SLC35F4: variants seen among roughly 807,000 people sequenced by gnomAD.
SLC35F4 encodes solute carrier family 35 member F4.
Under a neutral mutation model 44.2 loss-of-function variants are expected in SLC35F4, and 24 were observed. That is an observed-to-expected ratio of 0.54 (90% CI 0.39 to 0.76). The LOEUF (loss-of-function observed/expected upper bound fraction) is 0.76, where lower values mean the gene tolerates loss of function less well. Among genes scored for constraint, SLC35F4 ranks in the 30% least tolerant of loss-of-function variants. The pLI is 0.00. For missense variants in SLC35F4, 562 were observed against 586.1 expected, an observed-to-expected ratio of 0.96 and a Z score of 0.42; for synonymous variants, 238 against 223.6, an observed-to-expected ratio of 1.06 and a Z score of -0.57.
chr14:57,928,260 C>T (rs991129564), intron 1 of SLC35F4, among the ~76,000 whole-genome samples: 11 of 152,200 alleles, frequency 7.2e-5, no homozygotes, highest in African/African-American at 1.2e-4. Context: ...TGACCTCTAC[C>T]GTGTCAGTAG....
chr14:57,850,178 G>C (rs957961554), intron 1 of SLC35F4, among the ~76,000 whole-genome samples: 2 of 152,134 alleles, frequency 1.3e-5, no homozygotes, highest in African/African-American at 4.8e-5. Context: ...AAGCCTTTTA[G>C]GACACATGAA....
intron 1 of SLC35F4, among the ~76,000 whole-genome samples, chr14:57,771,348 G>C (rs1372125100): frequency 1.3e-5 from 2 of 152,102 alleles, no homozygotes; most frequent in African/African-American, 4.8e-5. Flanking sequence ...CCATCCATAA[G>C]TGGGGCTGAA....
chr14:57,755,861 C>T (rs530644642), intron 1 of SLC35F4, among the ~76,000 whole-genome samples: 1 of 152,330 alleles, frequency 6.6e-6, no homozygotes, highest in South Asian at 2.1e-4. Context: ...TCTAAGGCCA[C>T]AAAGCCATTA....
intron 1 of SLC35F4, among the ~76,000 whole-genome samples, chr14:57,855,586 T>C (rs1887006142): frequency 6.6e-6 from 1 of 152,208 alleles, no homozygotes; most frequent in Non-Finnish European, 1.5e-5. Context: ...TTTACACTGT[T>C]AGTGGGAGTG....
chr14:57,647,857 C>T (rs2073609536), intron 1 of SLC35F4, among the ~76,000 whole-genome samples: 2 of 152,240 alleles, frequency 1.3e-5, no homozygotes, highest in South Asian at 4.2e-4. Context: ...CCCGGCCTGT[C>T]CTCAGCAAGA....
In SLC35F4 at chr14:57,605,015, C is replaced by G. The variant is rs890616445; in HGVS notation, c.104-10891G>C. On this transcript the variant is annotated intron_variant, in intron 1 of 7. Transcript: ENST00000556826. ...AAACTATAAAAATCCTAGAAGAAAA[C>G]CTAGGAAATACCCTTCTCAATATCA... 5.3e-5 allele frequency among the ~76,000 whole-genome samples: 8 copies of G among 152,130 alleles called. No individual in the cohort carries two copies. In the South Asian group the frequency reaches 1.7e-3, roughly 32 times the overall value.
intron 1 of SLC35F4, among the ~76,000 whole-genome samples, chr14:57,959,533 T>C (rs1890303927): frequency 6.6e-6 from 1 of 152,204 alleles, no homozygotes; most frequent in African/African-American, 2.4e-5. Flanking sequence ...CAGGCCTGTC[T>C]GACTCTAAAA....
At chr14:57,858,188 C>A (rs1049761924) in intron 1 of SLC35F4, among the ~76,000 whole-genome samples, 1 of 151,824 alleles carries the variant, frequency 6.6e-6, no homozygotes, top group Non-Finnish European at 1.5e-5. Flanking sequence ...GGGTATATAC[C>A]CAAAGGATTA....
intron 1 of SLC35F4, among the ~76,000 whole-genome samples, chr14:57,846,772 A>G (rs540207392): frequency 6.6e-6 from 1 of 152,366 alleles, no homozygotes; most frequent in Non-Finnish European, 1.5e-5. Context: ...TTGAGAGCTC[A>G]GAAATGCATC....
At chr14:57,691,737 A>T (rs565780890) in intron 1 of SLC35F4, among the ~76,000 whole-genome samples, 5 of 152,334 alleles carry the variant, frequency 3.3e-5, no homozygotes, top group Admixed American at 6.5e-5. Flanking sequence ...GGGATATGAA[A>T]AAGCTCAGAA....
At chr14:57,776,155 G>A (rs913613051) in intron 1 of SLC35F4, among the ~76,000 whole-genome samples, 1 of 152,210 alleles carries the variant, frequency 6.6e-6, no homozygotes, top group Non-Finnish European at 1.5e-5. Context: ...TATGTTAGGA[G>A]ACCAAATCTA....
chr14:57,957,635 C>T (rs1445129767), intron 1 of SLC35F4, among the ~76,000 whole-genome samples: 1 of 152,132 alleles, frequency 6.6e-6, no homozygotes, highest in Non-Finnish European at 1.5e-5. Context: ...ACACTCAGCC[C>T]TCTTGCTTCA....
intron 1 of SLC35F4, among the ~76,000 whole-genome samples, chr14:57,813,293 A>C (rs1043757500): frequency 2.6e-5 from 4 of 152,196 alleles, no homozygotes; most frequent in African/African-American, 9.7e-5. Flanking sequence ...AATACTTATA[A>C]AAAGTACTTT....
intron 1 of SLC35F4, among the ~76,000 whole-genome samples, chr14:57,909,859 T>C (rs547325787): frequency 1.3e-5 from 2 of 152,316 alleles, no homozygotes; most frequent in African/African-American, 4.8e-5. Context: ...CTAGATCATA[T>C]GGTAAGAGTA....
At chr14:57,980,665 T>C (rs993184554) in intron 1 of SLC35F4, among the ~76,000 whole-genome samples, 2 of 152,184 alleles carry the variant, frequency 1.3e-5, no homozygotes, top group Non-Finnish European at 2.9e-5. Context: ...TTTGTGTACA[T>C]GTATGTGTGG....
At chr14:57,916,329 G>A (rs1325073492) in intron 1 of SLC35F4, among the ~76,000 whole-genome samples, 1 of 152,140 alleles carries the variant, frequency 6.6e-6, no homozygotes, top group Non-Finnish European at 1.5e-5. Flanking sequence ...CCGTTATGAT[G>A]GCAATTAAAT....
At chr14:57,849,925 T>G (rs1443205905) in intron 1 of SLC35F4, among the ~76,000 whole-genome samples, 1 of 152,166 alleles carries the variant, frequency 6.6e-6, no homozygotes, top group African/African-American at 2.4e-5. Context: ...AACCAGTACG[T>G]CTTGGTAAAG....
At chr14:57,734,007 A>G (rs1092015) in intron 1 of SLC35F4, among the ~76,000 whole-genome samples, 136,405 of 152,176 alleles carry the variant, frequency 0.9, 62,017 homozygotes, top group Non-Finnish European at 0.98. Context: ...CAGCCATGTC[A>G]TCCCTCAATT....
chr14:57,630,794 A>G (rs553151504), intron 1 of SLC35F4: 213 of 544,428 alleles, frequency 3.9e-4, no homozygotes, highest in Non-Finnish European at 4.6e-4. Context: ...TTAAAAAGAC[A>G]CTTGTTAGTT....
Sources: allele counts gnomAD v4.1 joint callset (sites outside exome capture counted in the v4.1 genomes callset), GRCh38; gene constraint gnomAD v4.1.1; transcripts MANE v1.5; gene names NCBI Gene and HGNC (gene_info 2026-07-23, HGNC 2026-07-21).